Variants in GPR176 observed in about 807,000 individuals in gnomAD.
GPR176 encodes G protein-coupled receptor 176.
A neutral mutation model predicts 35.4 loss-of-function variants in GPR176; 26 were observed. The ratio of observed to expected loss-of-function variants is 0.74; its 90% CI spans 0.54 to 1.02. GPR176 has a LOEUF of 1.02. Among genes scored for constraint, GPR176 ranks in the 50% least tolerant of loss-of-function variants. The pLI is 0.00. For synonymous variants in GPR176, 278 were observed against 271.3 expected (o/e 1.02, Z -0.24); for missense variants, 597 against 665.3 (o/e 0.90, Z 1.13).
intron 1 of GPR176, among the ~76,000 whole-genome samples, chr15:39,868,906 TA>T (rs2031936130): frequency 6.6e-6 from 1 of 151,040 alleles, no homozygotes; most frequent in Admixed American, 6.6e-5. Context: ...TCTGGCTTCA[TA>T]AAAGAGTCTG....
intron 1 of GPR176, among the ~76,000 whole-genome samples, chr15:39,875,530 G>C (rs2032209994): frequency 6.6e-6 from 1 of 152,140 alleles, no homozygotes; most frequent in African/African-American, 2.4e-5. Flanking sequence ...TAAATATTGA[G>C]CTTTTCAATG....
intron 1 of GPR176, chr15:39,894,617 C>T (rs533720925): frequency 0.013 from 2,236 of 171,764 alleles, 22 homozygotes; most frequent in Non-Finnish European, 0.021. Flanking sequence ...ACATCTCAGA[C>T]GATGGGCGGC....
intron 1 of GPR176, among the ~76,000 whole-genome samples, chr15:39,837,871 T>C (rs1901498590): frequency 6.6e-6 from 1 of 151,860 alleles, no homozygotes; most frequent in African/African-American, 2.4e-5. Flanking sequence ...GCGCTTGTTC[T>C]GGCCAATCAT....
intron 1 of GPR176, among the ~76,000 whole-genome samples, chr15:39,918,705 G>GCAA: frequency 6.6e-6 from 1 of 151,884 alleles, no homozygotes; most frequent in Admixed American, 6.6e-5. Flanking sequence ...AGCAATAGTA[G>GCAA]TATCTACTCC....
chr15:39,874,841 C>T (rs1388899452), intron 1 of GPR176, among the ~76,000 whole-genome samples: 4 of 152,104 alleles, frequency 2.6e-5, no homozygotes, highest in African/African-American at 9.7e-5. Context: ...GTCGGGAGTT[C>T]AAGACCAGCC....
Position 39,802,228 on chromosome 15 carries a change from T to C in GPR176, c.452A>G (p.Glu151Gly), listed in dbSNP as rs1898930279. Residue 151 changes from glutamate (E) to glycine (G), a missense_variant, in exon 3 of 3, where the codon GAG (glutamate) becomes GGG (glycine). Transcript: ENST00000561100. ...GGACTTGGCATCAGATATTTTCCTC[T>C]CCAGTGGATAGAGGACTGAGTAGTA... is the stretch of plus-strand genomic sequence containing the variant. ...DRYYSVLYPL[E>G]RKISDAKSRE... The C allele has an allele frequency of 6.2e-7, 1 of 1,612,086 alleles. No homozygotes were observed. Among genetic ancestry groups the C allele is most frequent in the Admixed American group, 1.7e-5 (1 of 59,970 alleles).
At chr15:39,846,560 GA>G (rs889052193) in intron 1 of GPR176, among the ~76,000 whole-genome samples, 4 of 151,932 alleles carry the variant, frequency 2.6e-5, no homozygotes, top group South Asian at 2.1e-4. Context: ...CTAATACAAA[GA>G]AAAAAACTTT....
intron 1 of GPR176, among the ~76,000 whole-genome samples, chr15:39,859,633 GA>G (rs1165162364): frequency 6.6e-6 from 1 of 152,114 alleles, no homozygotes; most frequent in Non-Finnish European, 1.5e-5. Flanking sequence ...ATTAAAAGTA[GA>G]GCTACCATAT....
At chr15:39,879,564 C>T (rs895013861) in intron 1 of GPR176, among the ~76,000 whole-genome samples, 1 of 152,126 alleles carries the variant, frequency 6.6e-6, no homozygotes, top group African/African-American at 2.4e-5. Flanking sequence ...GACCTTACTC[C>T]CCTTTCCTCT....
At chr15:39,858,395 T>C (rs772182952) in intron 1 of GPR176, among the ~76,000 whole-genome samples, 1 of 152,060 alleles carries the variant, frequency 6.6e-6, no homozygotes, top group Non-Finnish European at 1.5e-5. Flanking sequence ...CAACTCAGAA[T>C]GCACTGAATT....
chr15:39,846,937 A>T (rs2030472087), intron 1 of GPR176, among the ~76,000 whole-genome samples: 1 of 152,190 alleles, frequency 6.6e-6, no homozygotes, highest in Admixed American at 6.5e-5. Context: ...TGAAGCAAAA[A>T]ATTGTAACAC....
At chr15:39,885,785 G>A (rs1006735009) in intron 1 of GPR176, among the ~76,000 whole-genome samples, 7 of 152,300 alleles carry the variant, frequency 4.6e-5, no homozygotes, top group African/African-American at 1.7e-4. Flanking sequence ...ACATGTTTCA[G>A]CCATGCACTG....
intron 1 of GPR176, among the ~76,000 whole-genome samples, chr15:39,853,443 G>C (rs2031005434): frequency 6.6e-6 from 1 of 152,170 alleles, no homozygotes; most frequent in African/African-American, 2.4e-5. Flanking sequence ...AATGGATGTA[G>C]AGTTGCAGTT....
At chr15:39,896,878 G>C (rs78666356) in intron 1 of GPR176, among the ~76,000 whole-genome samples, 1,648 of 152,354 alleles carry the variant, frequency 0.011, 30 homozygotes, top group African/African-American at 0.038. Context: ...TCTATAAAGA[G>C]AGAGAGAGGA....
intron 1 of GPR176, among the ~76,000 whole-genome samples, chr15:39,896,099 G>A (rs1403053903): frequency 6.6e-6 from 1 of 151,976 alleles, no homozygotes; most frequent in Non-Finnish European, 1.5e-5. Flanking sequence ...TTGTTGTCCA[G>A]GCTGGAGTGC....
At chr15:39,812,624 T>G (rs553911008) in intron 1 of GPR176, among the ~76,000 whole-genome samples, 2 of 152,326 alleles carry the variant, frequency 1.3e-5, no homozygotes, top group African/African-American at 4.8e-5. Flanking sequence ...CACTTTGTGA[T>G]CGTGTGAGTC....
intron 1 of GPR176, among the ~76,000 whole-genome samples, chr15:39,820,587 T>C (rs2140809640): frequency 6.6e-6 from 1 of 152,320 alleles, no homozygotes; most frequent in Non-Finnish European, 1.5e-5. Flanking sequence ...ATAATATCTG[T>C]AGTAATATAT....
intron 1 of GPR176, among the ~76,000 whole-genome samples, chr15:39,904,694 AAAG>A (rs2033372796): frequency 6.6e-6 from 1 of 152,230 alleles, no homozygotes; most frequent in Non-Finnish European, 1.5e-5. Context: ...TAAGCTGCTC[AAAG>A]AAGAGGCTAC....
intron 2 of GPR176, among the ~76,000 whole-genome samples, chr15:39,805,292 A>G (rs1317473340): frequency 3.3e-5 from 5 of 152,190 alleles, no homozygotes; most frequent in Non-Finnish European, 1.5e-5. Flanking sequence ...CTTTCCAGAT[A>G]TTCAAAAAGC....
Sources: gnomAD v4.1 joint callset for allele counts (sites outside exome capture counted in the v4.1 genomes callset) on GRCh38, gnomAD v4.1.1 for gene constraint, MANE v1.5 for transcripts, NCBI Gene and HGNC (gene_info 2026-07-23, HGNC 2026-07-21) for gene names.